Variants in PBX1 observed in about 807,000 individuals in gnomAD.
PBX1 encodes the protein PBX homeobox 1.
PBX1 carries 6 observed loss-of-function variants against 53.4 expected under a neutral mutation model. The ratio of observed to expected loss-of-function variants is 0.11; its 90% confidence interval spans 0.06 to 0.22. PBX1 has a LOEUF of 0.22. Ranked by LOEUF, PBX1 falls within the 10% of genes least tolerant of loss-of-function variation. The probability of loss-of-function intolerance (pLI) is 1.00; values close to 1 mark genes in which losing one functional copy is unlikely to be tolerated. For synonymous variants in PBX1, 204 were observed against 212.3 expected, an observed-to-expected ratio of 0.96 and a Z score of 0.34; for missense variants, 251 against 551.4, an observed-to-expected ratio of 0.46 and a Z score of 5.46.
At chr1:164,806,519 A>G (rs1236174960) in intron 4 of PBX1, among the ~76,000 whole-genome samples, 2 of 152,190 alleles carry the variant, frequency 1.3e-5, no homozygotes, top group African/African-American at 4.8e-5. Flanking sequence ...TAGAATGGAA[A>G]GAACATGATA....
At chr1:164,647,745 C>A (rs1224354614) in intron 2 of PBX1, among the ~76,000 whole-genome samples, 1 of 151,772 alleles carries the variant, frequency 6.6e-6, no homozygotes, top group Non-Finnish European at 1.5e-5. Flanking sequence ...CTGGGATCTA[C>A]CCTGGAATGA....
chr1:164,648,814 G>GTGTAA lies in PBX1; in HGVS notation c.265+85511_265+85515dup, dbSNP rs541827470. 1.9e-4 allele frequency among the ~76,000 whole-genome samples: 29 copies of GTGTAA among 152,350 alleles called. No individual in the cohort carries two copies. The South Asian group carries it at 5.8e-3, about 30-fold the overall frequency. On this transcript the variant is annotated intron_variant, in intron 2 of 8. Coordinates refer to ENST00000420696, the MANE Select transcript of PBX1 (RefSeq NM_002585.4). ...ATTACCTTAGAGATTGAGCAAGGCAGTGTAATGTAATGAAAACATGCACCA... is the reference window on the plus strand; with the variant it reads ...ATTACCTTAGAGATTGAGCAAGGCAGTGTAATGTAATGTAATGAAAACATGCACCA...
chr1:164,645,692 A>G (rs1450383412), intron 2 of PBX1, among the ~76,000 whole-genome samples: 2 of 152,190 alleles, frequency 1.3e-5, no homozygotes, highest in African/African-American at 2.4e-5. Flanking sequence ...CAACACGTAC[A>G]CACAGATATA....
At chr1:164,773,193 C>G (rs1418895672) in intron 2 of PBX1, among the ~76,000 whole-genome samples, 1 of 150,938 alleles carries the variant, frequency 6.6e-6, no homozygotes, top group Non-Finnish European at 1.5e-5. Context: ...CTCCATGTCA[C>G]TCATCAGAGC....
At chr1:164,811,505 C>G (rs1193217021) in intron 5 of PBX1, among the ~76,000 whole-genome samples, 2 of 152,100 alleles carry the variant, frequency 1.3e-5, no homozygotes, top group African/African-American at 2.4e-5. Flanking sequence ...GAATCTCAGT[C>G]CACATTAAAG....
chr1:164,667,803 C>T (rs1660888942), intron 2 of PBX1, among the ~76,000 whole-genome samples: 1 of 152,178 alleles, frequency 6.6e-6, no homozygotes, highest in Non-Finnish European at 1.5e-5. Flanking sequence ...ATGAGTGAGA[C>T]TCTCAGATGT....
intron 2 of PBX1, among the ~76,000 whole-genome samples, chr1:164,713,975 T>A (rs547394827): frequency 6.6e-6 from 1 of 152,304 alleles, no homozygotes; most frequent in Admixed American, 6.5e-5. Flanking sequence ...AGCTCACGTG[T>A]TGCAAAATGG....
At chr1:164,732,111 T>C (rs114503232) in intron 2 of PBX1, among the ~76,000 whole-genome samples, 1,779 of 152,304 alleles carry the variant, frequency 0.012, 17 homozygotes, top group Non-Finnish European at 0.016. Context: ...TTTTATTCTT[T>C]CTCTGGTGCT....
At chr1:164,730,839 A>G (rs1245557585) in intron 2 of PBX1, among the ~76,000 whole-genome samples, 1 of 152,058 alleles carries the variant, frequency 6.6e-6, no homozygotes, top group African/African-American at 2.4e-5. Context: ...ATTTTGCCAT[A>G]TTTTTTGTCT....
chr1:164,674,921 C>T (rs988025397), intron 2 of PBX1: 34 of 131,610 alleles, frequency 2.6e-4, no homozygotes, highest in African/African-American at 9.5e-4. Context: ...TTATGGTAGC[C>T]GTGAAAATAA....
At chr1:164,748,501 T>G (rs1316558307) in intron 2 of PBX1, among the ~76,000 whole-genome samples, 1 of 152,132 alleles carries the variant, frequency 6.6e-6, no homozygotes, top group Admixed American at 6.5e-5. Context: ...GGCTCTGTGA[T>G]CTCTATCATC....
At chr1:164,799,941 G>A in intron 4 of PBX1, 52 bp downstream of exon 4, 2 of 1,528,538 alleles carry the variant, frequency 1.3e-6, no homozygotes, top group East Asian at 2.3e-5. Flanking sequence ...CTGATCTGGG[G>A]CTGGAGTCCA....
chr1:164,799,606 C>A, intron 3 of PBX1, 93 bp from the exon 4 acceptor site: 1 of 1,123,068 alleles, frequency 8.9e-7, no homozygotes. Context: ...TTGCACAAGT[C>A]TCTAGAAAAG....
At chr1:164,853,705 G>T (rs1162042760), downstream of PBX1, among the ~76,000 whole-genome samples, 1 of 152,136 alleles carries the variant, frequency 6.6e-6, no homozygotes, top group Admixed American at 6.6e-5. Flanking sequence ...GTACGTTAGG[G>T]CCACCTTGTT....
At chr1:164,723,698 C>T (rs529570162) in intron 2 of PBX1, among the ~76,000 whole-genome samples, 131 of 152,268 alleles carry the variant, frequency 8.6e-4, no homozygotes, top group African/African-American at 2.9e-3. Context: ...TGTTGCTATG[C>T]GCCGGAAGCT....
rs1558001459 is a variant in PBX1 at position 164,776,939 on chromosome 1, G to A, written c.266-15555G>A. Among the ~76,000 whole-genome samples, 23 of 117,086 alleles carry A rather than the reference G, an allele frequency of 2.0e-4. 1 individual carries two copies. The East Asian group carries it at 3.2e-3, about 16-fold the overall frequency. The allele number at this position is 117,086 out of a possible 152,430, so 76.8% of individuals were successfully genotyped here. A position where few individuals can be genotyped will look rare whatever the true frequency, so the allele number is the denominator to read the frequency against. On this transcript the variant is annotated intron_variant, in intron 2 of 8. Coordinates refer to ENST00000420696, the MANE Select transcript of PBX1 (RefSeq NM_002585.4). ...TGTGTGTGTGTGTGTGTGTGTGGTG[G>A]GAGGAGAGAGAGAGAGAGAGAGAGA...
chr1:164,621,189 A>G (rs113184346), intron 2 of PBX1, among the ~76,000 whole-genome samples: 8 of 151,218 alleles, frequency 5.3e-5, no homozygotes, highest in South Asian at 2.1e-4. Flanking sequence ...GGGTTTCGCT[A>G]TGTTGGCCTG....
In PBX1 at chr1:164,821,613, C is replaced by T. The variant is rs1466818722; in HGVS notation, c.1187C>T (p.Pro396Leu). 5 of 1,613,482 alleles carry T rather than the reference C, an allele frequency of 3.1e-6. No individual in the cohort carries two copies. Among genetic ancestry groups the T allele is most frequent in the Non-Finnish European group, 3.4e-6 (4 of 1,179,456 alleles). ...DGLAASQMYSPQGISANGGWQ... is the reference protein window; with the variant it reads ...DGLAASQMYSLQGISANGGWQ... ...CTCGCAGCCAGTCAGATGTACAGTC[C>T]GCAGGGCATCAGTGTAAGAAAACAA... The change falls in exon 8 of 9, where the codon CCG becomes CTG. Residue 396 changes from proline to leucine, a missense_variant. Physicochemically the swap from Pro to Leu is moderately conservative, Grantham distance 98. Around this residue, in one of 4 missense-constraint regions of PBX1, gnomAD observed 92 missense variants for 130.4 expected, o/e 0.71. Coordinates refer to ENST00000420696, the MANE Select transcript of PBX1 (RefSeq NM_002585.4).
At chr1:164,677,548 A>G (rs569352986) in intron 2 of PBX1, among the ~76,000 whole-genome samples, 1 of 152,306 alleles carries the variant, frequency 6.6e-6, no homozygotes, top group Admixed American at 6.5e-5. Flanking sequence ...CACAGATGAT[A>G]ATGTTCAATG....
Sources: allele counts gnomAD v4.1 joint callset (sites outside exome capture counted in the v4.1 genomes callset), GRCh38; gene constraint gnomAD v4.1.1; regional missense constraint gnomAD v4.1.1; transcripts MANE v1.5; gene names NCBI Gene and HGNC (gene_info 2026-07-23, HGNC 2026-07-21).